The following FHIT variants were observed in gnomAD, a reference collection of about 807,000 sequenced individuals.
FHIT encodes the protein fragile histidine triad diadenosine triphosphatase.
Under a neutral mutation model 17.9 loss-of-function variants are expected in FHIT, and 19 were observed. The ratio of observed to expected loss-of-function variants is 1.06; its 90% CI spans 0.74 to 1.56. FHIT has a LOEUF of 1.56. FHIT is among the 40% of genes most tolerant of loss of function. FHIT has a pLI of 0.00. For synonymous variants in FHIT, 81 were observed against 69.7 expected (o/e 1.16, Z -0.81); for missense variants, 248 against 189.2 (o/e 1.31, Z -1.82).
intron 2 of FHIT, among the ~76,000 whole-genome samples, chr3:61,129,871 T>C (rs751080826): frequency 6.6e-6 from 1 of 152,224 alleles, no homozygotes; most frequent in African/African-American, 2.4e-5. Context: ...CATTCACTTA[T>C]CCATTTAATC....
At chr3:60,712,747 C>G (rs1393278697) in intron 4 of FHIT, among the ~76,000 whole-genome samples, 2 of 146,820 alleles carry the variant, frequency 1.4e-5, no homozygotes, top group Non-Finnish European at 3.0e-5. Context: ...TATATATGCA[C>G]CCAATACAGG....
chr3:60,318,880 G>T (rs932362814), intron 5 of FHIT, among the ~76,000 whole-genome samples: 7 of 152,266 alleles, frequency 4.6e-5, no homozygotes, highest in African/African-American at 1.4e-4. Context: ...GATTCGGAAG[G>T]AAGAATGGAT....
intron 4 of FHIT, among the ~76,000 whole-genome samples, chr3:60,604,644 T>G (rs1268497087): frequency 2.0e-5 from 3 of 152,128 alleles, no homozygotes; most frequent in Non-Finnish European, 2.9e-5. Flanking sequence ...ATTCCACTCA[T>G]CAGCTCCCCT....
chr3:60,098,922 C>T (rs1704078315), intron 5 of FHIT, among the ~76,000 whole-genome samples: 1 of 152,136 alleles, frequency 6.6e-6, no homozygotes. Flanking sequence ...GTTCAAGGGT[C>T]AGTTGTATTC....
intron 8 of FHIT, among the ~76,000 whole-genome samples, chr3:59,759,554 T>C (rs536909581): frequency 2.6e-5 from 4 of 152,260 alleles, no homozygotes; most frequent in Middle Eastern, 3.4e-3. Context: ...TGCTCTGAAC[T>C]AGTGTGAAAA....
intron 5 of FHIT, among the ~76,000 whole-genome samples, chr3:60,306,401 G>A (rs1194323200): frequency 6.6e-6 from 1 of 152,148 alleles, no homozygotes; most frequent in Non-Finnish European, 1.5e-5. Context: ...TGCTTTGAAG[G>A]AGTCAAGGCT....
intron 5 of FHIT, among the ~76,000 whole-genome samples, chr3:60,034,718 G>A (rs1463154356): frequency 2.0e-5 from 3 of 152,144 alleles, no homozygotes; most frequent in Non-Finnish European, 1.5e-5. Flanking sequence ...TCTGGTCAAA[G>A]TAGTAAAATG....
At chr3:60,447,704 G>A (rs1420988254) in intron 5 of FHIT, among the ~76,000 whole-genome samples, 3 of 152,108 alleles carry the variant, frequency 2.0e-5, no homozygotes, top group African/African-American at 7.2e-5. Context: ...GTTTATCAGG[G>A]AGCAAGATGG....
At chr3:59,986,621 A>G (rs1162706616) in intron 7 of FHIT, among the ~76,000 whole-genome samples, 1 of 51,818 alleles carries the variant, frequency 1.9e-5, no homozygotes, top group Non-Finnish European at 3.4e-5. Flanking sequence ...ATATATGTCT[A>G]GGATTTACTA....
At chr3:61,103,435 C>T (rs2035895581) in intron 2 of FHIT, among the ~76,000 whole-genome samples, 1 of 152,098 alleles carries the variant, frequency 6.6e-6, no homozygotes, top group Non-Finnish European at 1.5e-5. Context: ...GCTGTGATTC[C>T]TTTTCTTTTA....
chr3:60,794,264 A>G (rs1553729517), intron 4 of FHIT, among the ~76,000 whole-genome samples: 1 of 152,184 alleles, frequency 6.6e-6, no homozygotes, highest in Non-Finnish European at 1.5e-5. Context: ...TTTTCTCACT[A>G]AAGAATATAT....
intron 3 of FHIT, among the ~76,000 whole-genome samples, chr3:60,932,541 G>A (rs1281045343): frequency 5.3e-5 from 8 of 152,104 alleles, no homozygotes; most frequent in Admixed American, 1.3e-4. Context: ...CCCTCACACT[G>A]CACAACTGAG....
chr3:60,771,726 T>C (rs1469341601), intron 4 of FHIT, among the ~76,000 whole-genome samples: 2 of 152,204 alleles, frequency 1.3e-5, no homozygotes, highest in East Asian at 1.9e-4. Context: ...TCAATTCCCA[T>C]AGAATCCCAC....
At chr3:60,611,877 G>T (rs963922265) in intron 4 of FHIT, among the ~76,000 whole-genome samples, 68 of 152,312 alleles carry the variant, frequency 4.5e-4, no homozygotes, top group African/African-American at 1.3e-3. Context: ...ACCTGTGTGT[G>T]TACAGAGCAG....
chr3:60,059,117 G>A (rs960603535), intron 5 of FHIT, among the ~76,000 whole-genome samples: 3 of 152,194 alleles, frequency 2.0e-5, no homozygotes, highest in African/African-American at 7.2e-5. Flanking sequence ...GTGATGGTCA[G>A]GTGGTTGTTA....
intron 4 of FHIT, among the ~76,000 whole-genome samples, chr3:60,713,605 G>C (rs1553705807): frequency 6.6e-6 from 1 of 152,158 alleles, no homozygotes; most frequent in African/African-American, 2.4e-5. Flanking sequence ...TATCATCACT[G>C]ATCCCACAGA....
intron 2 of FHIT, among the ~76,000 whole-genome samples, chr3:61,091,641 T>C (rs2035484615): frequency 6.6e-6 from 1 of 151,878 alleles, no homozygotes; most frequent in African/African-American, 2.4e-5. Context: ...AAAGTAAAAC[T>C]AAATGAAGCT....
intron 5 of FHIT, among the ~76,000 whole-genome samples, chr3:60,079,591 C>T (rs1703187031): frequency 6.6e-6 from 1 of 151,996 alleles, no homozygotes; most frequent in African/African-American, 2.4e-5. Flanking sequence ...ATATGCCACC[C>T]ACTCCTGAGA....
intron 3 of FHIT, among the ~76,000 whole-genome samples, chr3:61,010,797 T>C (rs897149612): frequency 6.6e-6 from 1 of 152,222 alleles, no homozygotes; most frequent in Non-Finnish European, 1.5e-5. Context: ...ATATTTCTCA[T>C]TGTAGCAGAA....
Sources: allele counts gnomAD v4.1 joint callset (sites outside exome capture counted in the v4.1 genomes callset), GRCh38; gene constraint gnomAD v4.1.1; transcripts MANE v1.5; gene names NCBI Gene and HGNC (gene_info 2026-07-23, HGNC 2026-07-21).